The following OTUD7A variants were observed in gnomAD, a reference collection of about 807,000 sequenced individuals.
OTUD7A encodes OTU deubiquitinase 7A.
A neutral mutation model predicts 65.7 loss-of-function variants in OTUD7A; 12 were observed. The observed-to-expected ratio is 0.18, with a 90% CI of 0.12 to 0.30. The LOEUF (loss-of-function observed/expected upper bound fraction) is 0.30. Among genes scored for constraint, OTUD7A ranks in the 10% least tolerant of loss-of-function variants. OTUD7A has a pLI of 1.00. For missense variants in OTUD7A, 1,148 were observed against 1,304.8 expected (o/e 0.88, Z 1.85); for synonymous variants, 641 against 586.3 (o/e 1.09, Z -1.35).
chr15:31,783,360 T>G (rs529183829), intron 1 of OTUD7A, among the ~76,000 whole-genome samples: 10 of 152,298 alleles, frequency 6.6e-5, no homozygotes, highest in Non-Finnish European at 1.3e-4. Context: ...CAAGACTATT[T>G]TCATGATCAT....
chr15:31,668,196 C>A (rs370957838), intron 1 of OTUD7A, among the ~76,000 whole-genome samples: 3,760 of 152,312 alleles, frequency 0.025, 153 homozygotes, highest in African/African-American at 0.086. Flanking sequence ...AGGTCTCTGG[C>A]AAGGCCAGGG....
intron 10 of OTUD7A, among the ~76,000 whole-genome samples, chr15:31,494,669 C>T (rs1193890369): frequency 1.3e-5 from 2 of 152,248 alleles, no homozygotes; most frequent in African/African-American, 4.8e-5. Context: ...AGGGTGCACT[C>T]TGTGCACACA....
chr15:31,488,538 C>T (rs1025756374), intron 10 of OTUD7A, among the ~76,000 whole-genome samples: 3 of 152,198 alleles, frequency 2.0e-5, no homozygotes, highest in Admixed American at 2.0e-4. Flanking sequence ...CAGCAGCCTC[C>T]TCCATGGGCT....
At chr15:31,839,393 C>A (rs1897131962) in intron 1 of OTUD7A, among the ~76,000 whole-genome samples, 1 of 152,112 alleles carries the variant, frequency 6.6e-6, no homozygotes, top group African/African-American at 2.4e-5. Context: ...CAGGTAAGCA[C>A]CTTGAGGGCC....
At chr15:31,670,324 T>C (rs1892448516) in intron 1 of OTUD7A, among the ~76,000 whole-genome samples, 1 of 152,226 alleles carries the variant, frequency 6.6e-6, no homozygotes, top group African/African-American at 2.4e-5. Flanking sequence ...TCAAATGTTA[T>C]TTCTGGTTCT....
intron 1 of OTUD7A, among the ~76,000 whole-genome samples, chr15:31,789,105 A>G (rs1178390839): frequency 6.6e-6 from 1 of 151,810 alleles, no homozygotes; most frequent in African/African-American, 2.4e-5. Context: ...CATTTTTTTA[A>G]TACTCTGAGG....
chr15:31,786,042 T>C (rs889318997), intron 1 of OTUD7A, among the ~76,000 whole-genome samples: 4 of 152,016 alleles, frequency 2.6e-5, no homozygotes, highest in Non-Finnish European at 5.9e-5. Context: ...GGGGAAATCA[T>C]AGCTTTATAA....
At chr15:31,715,149 C>A (rs1185950805) in intron 1 of OTUD7A, among the ~76,000 whole-genome samples, 1 of 152,030 alleles carries the variant, frequency 6.6e-6, no homozygotes, top group African/African-American at 2.4e-5. Context: ...CAAAACAAAA[C>A]AAAAGATGTA....
At chr15:31,507,559 T>A (rs1053591433) in intron 8 of OTUD7A, among the ~76,000 whole-genome samples, 3 of 152,154 alleles carry the variant, frequency 2.0e-5, no homozygotes, top group Middle Eastern at 3.4e-3. Context: ...AGCAGCAAGA[T>A]TTATTGTGGA....
At chr15:31,497,409 C>T (rs1011235450) in intron 10 of OTUD7A, among the ~76,000 whole-genome samples, 4 of 152,004 alleles carry the variant, frequency 2.6e-5, no homozygotes, top group East Asian at 1.9e-4. Context: ...GCTGCCATGC[C>T]CAGATAATTT....
At chr15:31,870,277 G>T (rs1455919068) in intron 1 of OTUD7A, among the ~76,000 whole-genome samples, 1 of 147,936 alleles carries the variant, frequency 6.8e-6, no homozygotes, top group East Asian at 2.0e-4. Context: ...GAGCCCGCGG[G>T]GTCCGGAGCG....
intron 3 of OTUD7A, among the ~76,000 whole-genome samples, chr15:31,611,187 C>T (rs1023239043): frequency 6.6e-6 from 1 of 152,058 alleles, no homozygotes; most frequent in Middle Eastern, 3.2e-3. Context: ...GCCCTACACG[C>T]CTACATCAAA....
intron 1 of OTUD7A, among the ~76,000 whole-genome samples, chr15:31,664,194 G>A (rs1892253311): frequency 6.6e-6 from 1 of 151,844 alleles, no homozygotes; most frequent in South Asian, 2.1e-4. Context: ...ACCAAGTAGT[G>A]GGATTGCTGG....
intron 10 of OTUD7A, among the ~76,000 whole-genome samples, chr15:31,489,063 C>G: frequency 6.6e-6 from 1 of 152,220 alleles, no homozygotes; most frequent in East Asian, 1.9e-4. Context: ...GCAGGGCTGG[C>G]TCAGGGACAG....
intron 1 of OTUD7A, among the ~76,000 whole-genome samples, chr15:31,804,566 C>T (rs1278603804): frequency 1.3e-5 from 2 of 152,158 alleles, no homozygotes; most frequent in South Asian, 2.1e-4. Context: ...TACTGCCCCT[C>T]GACTTCACAA....
intron 3 of OTUD7A, among the ~76,000 whole-genome samples, chr15:31,592,834 C>T (rs1339457301): frequency 4.5e-5 from 6 of 132,390 alleles, no homozygotes; most frequent in East Asian, 4.5e-4. Flanking sequence ...GAGCCGAGAT[C>T]GTGCCCCTGC....
At chr15:31,823,500 C>T (rs1286528143) in intron 1 of OTUD7A, among the ~76,000 whole-genome samples, 1 of 152,212 alleles carries the variant, frequency 6.6e-6, no homozygotes, top group Non-Finnish European at 1.5e-5. Context: ...TACTCATTAT[C>T]CTGTTTTTGA....
intron 1 of OTUD7A, among the ~76,000 whole-genome samples, chr15:31,862,482 T>C (rs977349502): frequency 1.3e-5 from 2 of 152,200 alleles, no homozygotes; most frequent in African/African-American, 4.8e-5. Flanking sequence ...CAGTTCCACA[T>C]GGCTGGTGAG....
At chr15:31,735,699 C>T (rs558205102) in intron 1 of OTUD7A, among the ~76,000 whole-genome samples, 1 of 152,134 alleles carries the variant, frequency 6.6e-6, no homozygotes, top group Non-Finnish European at 1.5e-5. Flanking sequence ...ACCCAGCAAC[C>T]CCATTACTGG....
Sources: allele counts gnomAD v4.1 joint callset (sites outside exome capture counted in the v4.1 genomes callset), GRCh38; gene constraint gnomAD v4.1.1; transcripts MANE v1.5; gene names NCBI Gene and HGNC (gene_info 2026-07-23, HGNC 2026-07-21).